The following CNTN5 variants were observed in gnomAD, a reference collection of about 807,000 sequenced individuals.
CNTN5 encodes the protein contactin 5.
CNTN5 carries 77 observed loss-of-function variants against 129.1 expected under a neutral mutation model. That is an observed-to-expected ratio of 0.60 (90% CI 0.50 to 0.72). CNTN5 has a LOEUF of 0.72. Ranked by LOEUF, CNTN5 falls within the 30% of genes least tolerant of loss-of-function variation. CNTN5 has a pLI of 0.00. For synonymous variants in CNTN5, 509 were observed against 465.6 expected, an observed-to-expected ratio of 1.09 and a Z score of -1.20; for missense variants, 1,478 against 1,328.8, an observed-to-expected ratio of 1.11 and a Z score of -1.75.
At chr11:99,362,502 A>AT (rs752828764) in intron 2 of CNTN5, among the ~76,000 whole-genome samples, 26 of 151,606 alleles carry the variant, frequency 1.7e-4, no homozygotes, top group East Asian at 1.2e-3. Context: ...CAATTTATCT[A>AT]TTTTTTTTAG....
chr11:100,204,582 C>T (rs1258279183), intron 15 of CNTN5, among the ~76,000 whole-genome samples: 2 of 150,840 alleles, frequency 1.3e-5, no homozygotes, highest in Admixed American at 6.6e-5. Context: ...CTCAAGCCAT[C>T]CTCCCACCTC....
chr11:100,059,642 A>AT (rs1050084287), intron 9 of CNTN5, among the ~76,000 whole-genome samples: 9 of 152,116 alleles, frequency 5.9e-5, no homozygotes, highest in African/African-American at 2.2e-4. Flanking sequence ...ATAAAATACC[A>AT]TTTTTTGCCC....
intron 3 of CNTN5, among the ~76,000 whole-genome samples, chr11:99,616,960 A>C (rs540695280): frequency 1.2e-4 from 18 of 152,164 alleles, no homozygotes; most frequent in Non-Finnish European, 1.2e-4. Context: ...AAAATATAAA[A>C]ATTAGCTGGG....
At chr11:99,620,438 T>C (rs546710537) in intron 3 of CNTN5, among the ~76,000 whole-genome samples, 5 of 143,368 alleles carry the variant, frequency 3.5e-5, no homozygotes, top group East Asian at 2.1e-4. Context: ...TCATTTGACA[T>C]TTCAGTAGTA....
chr11:99,131,617 A>G (rs1462296202), intron 1 of CNTN5, among the ~76,000 whole-genome samples: 1 of 152,194 alleles, frequency 6.6e-6, no homozygotes, highest in Non-Finnish European at 1.5e-5. Flanking sequence ...GAATACTATA[A>G]ACACCTTTAT....
rs138612659 is a variant in CNTN5, at chr11:99,711,012, T to G, written c.56-108532T>G. On this transcript the variant is annotated intron_variant, in intron 3 of 24. Transcript: ENST00000524871. ...TTAATGTGTCCCACATATTGCATACTGCATACTTATTCAAAGGAGTACTTT... is the reference window on the plus strand; with the variant it reads ...TTAATGTGTCCCACATATTGCATACGGCATACTTATTCAAAGGAGTACTTT... 1.2e-3 allele frequency among the ~76,000 whole-genome samples: 185 copies of G among 152,088 alleles called. 2 individuals are homozygous for G. The East Asian group carries it at 0.033, about 27-fold the overall frequency.
chr11:99,072,458 G>C (rs1430637740), intron 1 of CNTN5, among the ~76,000 whole-genome samples: 1 of 151,910 alleles, frequency 6.6e-6, no homozygotes, highest in Non-Finnish European at 1.5e-5. Context: ...TAAATATCTG[G>C]CTTATAATAT....
intron 2 of CNTN5, among the ~76,000 whole-genome samples, chr11:99,540,509 T>C (rs1948063470): frequency 6.6e-6 from 1 of 152,154 alleles, no homozygotes; most frequent in South Asian, 2.1e-4. Context: ...AACATAGATG[T>C]GGCCTGGGAT....
chr11:99,923,769 A>ATCTATCTG (rs1565681847), intron 7 of CNTN5, among the ~76,000 whole-genome samples: 1 of 148,640 alleles, frequency 6.7e-6, no homozygotes, highest in Admixed American at 6.7e-5. Context: ...CTATCTATCT[A>ATCTATCTG]TCTATCTATC....
chr11:99,089,191 A>C (rs746168159), intron 1 of CNTN5, among the ~76,000 whole-genome samples: 5 of 152,122 alleles, frequency 3.3e-5, no homozygotes, highest in Non-Finnish European at 1.5e-5. Flanking sequence ...CAATGACAGC[A>C]ACATAAAACT....
intron 1 of CNTN5, among the ~76,000 whole-genome samples, chr11:99,231,941 C>T (rs1024782793): frequency 2.0e-5 from 3 of 151,946 alleles, no homozygotes; most frequent in African/African-American, 7.2e-5. Flanking sequence ...TCAGGTTTGT[C>T]GAAGATCAGC....
At chr11:99,365,640 T>A (rs1939401580) in intron 2 of CNTN5, among the ~76,000 whole-genome samples, 1 of 152,324 alleles carries the variant, frequency 6.6e-6, no homozygotes, top group Middle Eastern at 3.4e-3. Context: ...TCTGATAGTA[T>A]GTTTCTATAT....
At chr11:99,165,428 A>G (rs12574606) in intron 1 of CNTN5, among the ~76,000 whole-genome samples, 38,098 of 152,150 alleles carry the variant, frequency 0.25, 4,895 homozygotes, top group Middle Eastern at 0.29. Context: ...TAATTGGCAT[A>G]GTTACACTTG....
intron 13 of CNTN5, among the ~76,000 whole-genome samples, chr11:100,131,451 T>A (rs1302530545): frequency 5.9e-5 from 9 of 152,002 alleles, no homozygotes; most frequent in Non-Finnish European, 2.9e-5. Context: ...GGTTTAATAG[T>A]TAAGTTTTCA....
chr11:99,196,231 GA>G (rs1380031199), intron 1 of CNTN5, among the ~76,000 whole-genome samples: 1 of 149,830 alleles, frequency 6.7e-6, no homozygotes, highest in Non-Finnish European at 1.5e-5. Context: ...TTCAAATAAA[GA>G]AATATATATG....
intron 2 of CNTN5, among the ~76,000 whole-genome samples, chr11:99,531,284 G>T (rs1947695290): frequency 6.6e-6 from 1 of 152,200 alleles, no homozygotes; most frequent in African/African-American, 2.4e-5. Flanking sequence ...ACTTGAGAGA[G>T]ATGATTTAGG....
chr11:99,268,790 G>A (rs991593563), intron 1 of CNTN5, among the ~76,000 whole-genome samples: 21 of 151,932 alleles, frequency 1.4e-4, no homozygotes, highest in African/African-American at 4.1e-4. Flanking sequence ...TAGAGCATTC[G>A]TCTAATGATT....
chr11:99,128,104 T>C (rs1858736985), intron 1 of CNTN5, among the ~76,000 whole-genome samples: 1 of 152,138 alleles, frequency 6.6e-6, no homozygotes, highest in Non-Finnish European at 1.5e-5. Context: ...TCCACTGTCA[T>C]GGAAAAGGGA....
intron 7 of CNTN5, among the ~76,000 whole-genome samples, chr11:99,953,464 T>C (rs1950723514): frequency 6.6e-6 from 1 of 152,168 alleles, no homozygotes; most frequent in Non-Finnish European, 1.5e-5. Context: ...AAAATTCCAA[T>C]ATGTAGCTGA....
Sources: allele counts gnomAD v4.1 joint callset (sites outside exome capture counted in the v4.1 genomes callset), GRCh38; gene constraint gnomAD v4.1.1; transcripts MANE v1.5; gene names NCBI Gene and HGNC (gene_info 2026-07-23, HGNC 2026-07-21).